The following MYO16 variants were observed in gnomAD, a reference collection of about 807,000 sequenced individuals.
The protein encoded by MYO16 is unconventional myosin-XVI.
A neutral mutation model predicts 205.3 loss-of-function variants in MYO16; 94 were observed. That is an observed-to-expected ratio of 0.46 (90% confidence interval 0.39 to 0.54). The LOEUF (loss-of-function observed/expected upper bound fraction) is 0.54, where lower values mean the gene tolerates loss of function less well. MYO16 is among the 20% of genes least tolerant of loss of function. The pLI, the probability that MYO16 is intolerant of heterozygous loss-of-function variation, is 0.00. For synonymous variants in MYO16, 988 were observed against 954.0 expected (o/e 1.04, Z -0.66); for missense variants, 2,315 against 2,387.5 (o/e 0.97, Z 0.63).
intron 23 of MYO16, among the ~76,000 whole-genome samples, chr13:109,039,819 A>G (rs894704262): frequency 1.3e-5 from 2 of 152,174 alleles, no homozygotes. Context: ...CAGTAAGCAA[A>G]TGGAAACCGA....
At chr13:109,003,961 A>C (rs1885306284) in intron 21 of MYO16, among the ~76,000 whole-genome samples, 1 of 152,242 alleles carries the variant, frequency 6.6e-6, no homozygotes, top group African/African-American at 2.4e-5. Context: ...GAAGCTCAAA[A>C]GGAGAGGAAA....
chr13:108,953,906 G>A (rs1352732808), intron 16 of MYO16, among the ~76,000 whole-genome samples: 1 of 152,130 alleles, frequency 6.6e-6, no homozygotes, highest in Admixed American at 6.5e-5. Flanking sequence ...TGGCTACAGA[G>A]GAAAATGCTC....
chr13:108,728,193 G>T (rs1035214262), intron 4 of MYO16, among the ~76,000 whole-genome samples: 10 of 152,032 alleles, frequency 6.6e-5, no homozygotes, highest in African/African-American at 2.2e-4. Context: ...AGAATGATTT[G>T]CTTTTATTTT....
chr13:109,011,415 G>C (rs1465562406), intron 22 of MYO16, among the ~76,000 whole-genome samples: 2 of 151,294 alleles, frequency 1.3e-5, no homozygotes, highest in African/African-American at 4.9e-5. Flanking sequence ...GCTGGCAAGG[G>C]AGTGATCTCA....
At position 108,629,718 on chromosome 13, in the gene MYO16, C is replaced by T; in HGVS notation, c.-127C>T. ...AGGATCATGGAACAGAGCCTCCATG[C>T]AATAGTGCATCCTGAGGTAAACTGT... On this transcript the variant is annotated 5_prime_UTR_variant, in exon 1 of 35. The change creates a premature stop within an existing upstream ORF in the 5' untranslated region. Transcript: ENST00000457511. 1 of 791,190 alleles carries T rather than the reference C, an allele frequency of 1.3e-6. No homozygotes were observed. Among genetic ancestry groups the T allele is most frequent in the Non-Finnish European group, 2.0e-6 (1 of 497,862 alleles). 49.0% of individuals were successfully genotyped at this position (791,190 alleles called of 1,614,324 possible).
At chr13:108,844,577 A>T in intron 10 of MYO16, 84 bp downstream of exon 10, 1 of 1,373,804 alleles carries the variant, frequency 7.3e-7, no homozygotes, top group African/African-American at 1.4e-5. Flanking sequence ...TCAAAAACAA[A>T]TGCGCACTAA....
the MYO16 span, among the ~76,000 whole-genome samples, chr13:108,539,034 T>C: frequency 6.6e-6 from 1 of 152,098 alleles, no homozygotes; most frequent in African/African-American, 2.4e-5. Flanking sequence ...CTGGTGCTTT[T>C]CCCTGTGAGA....
At chr13:108,621,142 A>C (rs968286916) in intron 1 of MYO16, among the ~76,000 whole-genome samples, 21 of 152,176 alleles carry the variant, frequency 1.4e-4, no homozygotes, top group African/African-American at 4.6e-4. Flanking sequence ...ACACACTGCA[A>C]ACCCTCAAGC....
chr13:108,563,148 T>C, the MYO16 span, among the ~76,000 whole-genome samples: 1 of 152,184 alleles, frequency 6.6e-6, no homozygotes, highest in Non-Finnish European at 1.5e-5. Context: ...AAAATCTTAA[T>C]TTTTTAATGT....
intron 27 of MYO16, among the ~76,000 whole-genome samples, chr13:109,062,986 A>G (rs1431417572): frequency 6.6e-6 from 1 of 152,224 alleles, no homozygotes; most frequent in Non-Finnish European, 1.5e-5. Flanking sequence ...TATACAAGAA[A>G]GAATATGATT....
chr13:108,583,914 AG>A, the MYO16 span, among the ~76,000 whole-genome samples: 2 of 152,172 alleles, frequency 1.3e-5, no homozygotes, highest in Non-Finnish European at 2.9e-5. Context: ...AAGAATCCAA[AG>A]CAAGGAGTGT....
chr13:108,741,630 A>G (rs1884912707), intron 4 of MYO16, among the ~76,000 whole-genome samples: 1 of 152,244 alleles, frequency 6.6e-6, no homozygotes, highest in African/African-American at 2.4e-5. Flanking sequence ...AATTACCACA[A>G]AAGTGCCATG....
chr13:108,844,945 G>A (rs576455129), intron 10 of MYO16, among the ~76,000 whole-genome samples: 25 of 151,096 alleles, frequency 1.7e-4, no homozygotes, highest in Non-Finnish European at 2.9e-4. Context: ...TTTATGTTGC[G>A]TGTGTGTGTG....
At chr13:108,859,599 G>A (rs548643081) in intron 11 of MYO16, among the ~76,000 whole-genome samples, 1 of 152,244 alleles carries the variant, frequency 6.6e-6, no homozygotes, top group South Asian at 2.1e-4. Context: ...GTATTAGGGA[G>A]TTCTCCAACC....
At chr13:108,981,558 CCT>C (rs1359704003) in intron 20 of MYO16, among the ~76,000 whole-genome samples, 1 of 152,316 alleles carries the variant, frequency 6.6e-6, no homozygotes, top group African/African-American at 2.4e-5. Flanking sequence ...TCCTCTGACC[CCT>C]GTCACTGCCA....
chr13:109,133,787 T>C (rs1876648416), intron 31 of MYO16, among the ~76,000 whole-genome samples: 1 of 152,190 alleles, frequency 6.6e-6, no homozygotes, highest in Admixed American at 6.5e-5. Context: ...TTAATAACCC[T>C]CTAACCAGTA....
At chr13:108,789,536 G>T (rs562415505) in intron 5 of MYO16, among the ~76,000 whole-genome samples, 1 of 152,246 alleles carries the variant, frequency 6.6e-6, no homozygotes, top group East Asian at 1.9e-4. Flanking sequence ...CATAGTTGGG[G>T]TTACAGTCTG....
chr13:109,141,302 T>A lies in MYO16; in HGVS notation c.5090T>A (p.Leu1697His). The change falls in exon 32 of 35, where the codon CTC (leucine) becomes CAC (histidine). Residue 1697 changes from leucine (L) to histidine (H), a missense_variant. Transcript: ENST00000457511. This position sits in a 1 kb window ranked among gnomAD's most constrained non-coding sequence, Gnocchi z 4.1. ...SRPLSSPLDE[L>H]ASLFNSGRSV... ...CCTCTCAGCAGCCCCCTGGACGAGC[T>A]CGCCAGCCTCTTCAACTCGGGGAGG... 6.3e-7 allele frequency: 1 copy of A among 1,590,784 alleles called. No individual in the cohort carries two copies. Among genetic ancestry groups the A allele is most frequent in the Non-Finnish European group, 8.5e-7 (1 of 1,169,840 alleles).
At chr13:108,605,187 T>C (rs555945531) in intron 1 of MYO16, among the ~76,000 whole-genome samples, 3 of 152,332 alleles carry the variant, frequency 2.0e-5, no homozygotes, top group African/African-American at 4.8e-5. Context: ...AGACATAATG[T>C]GGACTCCTGT....
Sources: gnomAD v4.1 joint callset for allele counts (sites outside exome capture counted in the v4.1 genomes callset) on GRCh38, gnomAD v4.1.1 for gene constraint, Gnocchi (gnomAD v3.1) non-coding constraint, MANE v1.5 for transcripts, NCBI Gene and HGNC (gene_info 2026-07-23, HGNC 2026-07-21) for gene names.